P2RX6: variants seen among roughly 807,000 people sequenced by gnomAD.
P2RX6 encodes the protein purinergic receptor P2X 6, also known as P2X purinoceptor 6.
Under a neutral mutation model 54.2 loss-of-function variants are expected in P2RX6, and 62 were observed. That is an observed-to-expected ratio of 1.14 (90% CI 0.93 to 1.41). The LOEUF (loss-of-function observed/expected upper bound fraction) is 1.41, where lower values mean the gene tolerates loss of function less well. Ranked by LOEUF, P2RX6 falls within the 40% of genes most tolerant of loss-of-function variation. The pLI is 0.00. For missense variants in P2RX6, 541 were observed against 566.3 expected, an observed-to-expected ratio of 0.96 and a Z score of 0.45; for synonymous variants, 211 against 231.9, an observed-to-expected ratio of 0.91 and a Z score of 0.82.
In P2RX6 at chr22:21,017,901, T is replaced by C. The variant is rs768145364; in HGVS notation, c.316-88T>C. 17 of 791,056 alleles carry C rather than the reference T, an allele frequency of 2.1e-5. No homozygotes were observed. In the South Asian group the frequency reaches 2.3e-4, roughly 11 times the overall value. The allele number at this position is 791,056 out of a possible 1,614,324, so 49.0% of individuals were successfully genotyped here. A position where few individuals can be genotyped will look rare whatever the true frequency, so the allele number is the denominator to read the frequency against. ...GGTTAATGACTTGATGGGGCCAACA[T>C]CCCTTCCCTCATAAACCAGGCTGCC... On this transcript the variant is annotated intron_variant, in intron 2 of 11. Transcript: ENST00000413302.
At chr22:21,016,626 A>G (rs774418176) in intron 2 of P2RX6, among the ~76,000 whole-genome samples, 3 of 150,092 alleles carry the variant, frequency 2.0e-5, no homozygotes, top group Non-Finnish European at 3.0e-5. Context: ...GAGAAACTGC[A>G]TTTCCAAAGA....
chr22:21,011,826 A>G (rs1204501235), upstream of P2RX6, among the ~76,000 whole-genome samples: 1 of 152,032 alleles, frequency 6.6e-6, no homozygotes, highest in Non-Finnish European at 1.5e-5. Flanking sequence ...AAAACTGCCT[A>G]CCTCCTGGTA....
rs1357424476 is a variant in P2RX6, at chr22:21,023,435, G to T, written c.780+19G>T. The T allele has an allele frequency of 6.2e-7, 1 of 1,613,926 alleles. No individual in the cohort carries two copies. Among genetic ancestry groups the T allele is most frequent in the Non-Finnish European group, 8.5e-7 (1 of 1,179,852 alleles). On this transcript the variant is annotated intron_variant, in intron 7 of 11. Transcript: ENST00000413302. Reference sequence around the variant, plus strand: ...GTTGCTGGTGGGTCCCAAGTTGGGGGCAGGGTTCCTAGAGGGCTCTGGGAG... The same window carrying T: ...GTTGCTGGTGGGTCCCAAGTTGGGGTCAGGGTTCCTAGAGGGCTCTGGGAG...
At chr22:21,011,216 A>G (rs1925719499), upstream of P2RX6, among the ~76,000 whole-genome samples, 2 of 146,102 alleles carry the variant, frequency 1.4e-5, no homozygotes, top group Non-Finnish European at 3.0e-5. Flanking sequence ...AGGAATGAAG[A>G]GTTCCGTGTG....
chr22:21,012,869 A>G (rs1925826434), upstream of P2RX6, among the ~76,000 whole-genome samples: 1 of 148,430 alleles, frequency 6.7e-6, no homozygotes, highest in East Asian at 2.0e-4. Context: ...CCAACCCTTC[A>G]TGCCATCTGT....
intron 8 of P2RX6, among the ~76,000 whole-genome samples, chr22:21,024,700 A>G (rs1237894468): frequency 1.3e-5 from 2 of 151,988 alleles, no homozygotes; most frequent in Non-Finnish European, 2.9e-5. Context: ...CCTCCAGAGT[A>G]GCTGGGATGA....
At chr22:21,010,059 C>A (rs1925653130) in intron 1 of P2RX6, 1 of 152,272 alleles carries the variant, frequency 6.6e-6, no homozygotes, top group South Asian at 2.1e-4. Context: ...TTGCAGCCAT[C>A]CTATGCGGTA....
chr22:21,014,350 T>C (rs952905021), upstream of P2RX6: 2 of 152,406 alleles, frequency 1.3e-5, no homozygotes, highest in African/African-American at 2.4e-5. Context: ...TCGACTGGCG[T>C]CTGCCACGGC....
chr22:21,015,509 G>A (rs1020260096), intron 1 of P2RX6, among the ~76,000 whole-genome samples, 171 bp downstream of exon 1: 11 of 152,122 alleles, frequency 7.2e-5, no homozygotes, highest in Non-Finnish European at 4.4e-5. Context: ...AGGAGAGCAA[G>A]AACAAGCTGT....
intron 8 of P2RX6, among the ~76,000 whole-genome samples, chr22:21,023,827 T>A (rs1172847386): frequency 1.3e-5 from 2 of 152,064 alleles, no homozygotes; most frequent in Non-Finnish European, 2.9e-5. Flanking sequence ...CTCCACCCCA[T>A]CTGTCCCAGG....
upstream of P2RX6, chr22:21,011,236 G>C: frequency 1.9e-6 from 1 of 514,162 alleles, no homozygotes; most frequent in Non-Finnish European, 3.5e-6. Context: ...GGCTGGAGTG[G>C]AAGAGGAGTG....
intron 3 of P2RX6, among the ~76,000 whole-genome samples, chr22:21,021,663 C>T (rs899163165): frequency 6.6e-6 from 1 of 151,776 alleles, no homozygotes; most frequent in African/African-American, 2.4e-5. Flanking sequence ...AGCTGAGTGC[C>T]CTGGGCAGCA....
chr22:21,022,340 C>T (rs1368209536), intron 3 of P2RX6, among the ~76,000 whole-genome samples: 1 of 152,224 alleles, frequency 6.6e-6, no homozygotes, highest in Non-Finnish European at 1.5e-5. Flanking sequence ...TACCACTGCA[C>T]TAGAGCCTGG....
chr22:21,016,779 G>C (rs1191826262), intron 2 of P2RX6, among the ~76,000 whole-genome samples: 3 of 151,828 alleles, frequency 2.0e-5, no homozygotes, highest in Non-Finnish European at 4.4e-5. Context: ...CCCTCTTCTC[G>C]GCTGCGTTTT....
intron 2 of P2RX6, among the ~76,000 whole-genome samples, 173 bp downstream of exon 2, chr22:21,016,265 G>C (rs1236182023): frequency 6.6e-6 from 1 of 152,212 alleles, no homozygotes; most frequent in Non-Finnish European, 1.5e-5. Flanking sequence ...TTTCAGGGAT[G>C]TGTAGGAGGT....
chr22:21,019,056 G>C, intron 3 of P2RX6, among the ~76,000 whole-genome samples: 1 of 152,082 alleles, frequency 6.6e-6, no homozygotes, highest in Non-Finnish European at 1.5e-5. Context: ...ATGTCCCTGG[G>C]ATCCTGCATC....
chr22:21,026,880 C>A lies in P2RX6; in HGVS notation c.*263C>A. 1.6e-6 allele frequency: 1 copy of A among 610,452 alleles called. No homozygotes were observed. Among genetic ancestry groups the A allele is most frequent in the Non-Finnish European group, 2.7e-6 (1 of 367,436 alleles). 37.8% of individuals were successfully genotyped at this position (610,452 alleles called of 1,614,324 possible). A position where few individuals can be genotyped will look rare whatever the true frequency, so the allele number is the denominator to read the frequency against. On this transcript the variant is annotated 3_prime_UTR_variant, in exon 12 of 12. Coordinates refer to ENST00000413302, the MANE Select transcript of P2RX6 (RefSeq NM_005446.5). The surrounding 1 kb of genome is among the most constrained non-coding windows in gnomAD (Gnocchi z 4.0). ...CACCTGTATTGCAGGGCTCCGACTGCATGTGGCAGGGGCTCCTGCTGCGTC... is the reference window on the plus strand; with the variant it reads ...CACCTGTATTGCAGGGCTCCGACTGAATGTGGCAGGGGCTCCTGCTGCGTC...
At position 21,026,633 on chromosome 22, in the gene P2RX6, T is replaced by C; in HGVS notation, c.*16T>C. Reference sequence around the variant, plus strand: ...GAGCCTGTAGCCGTTCCCTGCTGGTTGAGAGTTGGGGGCTGGGAAGGGCGG... The same window carrying C: ...GAGCCTGTAGCCGTTCCCTGCTGGTCGAGAGTTGGGGGCTGGGAAGGGCGG... On this transcript the variant is annotated 3_prime_UTR_variant, in exon 12 of 12. Coordinates refer to ENST00000413302, the MANE Select transcript of P2RX6 (RefSeq NM_005446.5). The surrounding 1 kb of genome is among the most constrained non-coding windows in gnomAD (Gnocchi z 4.0). The C allele has an allele frequency of 6.4e-7, 1 of 1,566,840 alleles. No individual in the cohort carries two copies. The highest frequency in any genetic ancestry group is 8.6e-7 in the Non-Finnish European group (1 of 1,156,250).
chr22:21,014,620 G>T (rs1601741048), upstream of P2RX6, among the ~76,000 whole-genome samples: 1 of 152,150 alleles, frequency 6.6e-6, no homozygotes, highest in Admixed American at 6.5e-5. Context: ...GGGGAAGGTG[G>T]CGGGGGCAGC....
Sources: gnomAD v4.1 joint callset for allele counts (sites outside exome capture counted in the v4.1 genomes callset) on GRCh38, gnomAD v4.1.1 for gene constraint, Gnocchi (gnomAD v3.1) non-coding constraint, MANE v1.5 for transcripts, NCBI Gene and HGNC (gene_info 2026-07-23, HGNC 2026-07-21) for gene names.